The following EDRF1 variants were observed in gnomAD, a reference collection of about 807,000 sequenced individuals.
EDRF1 encodes the protein erythroid differentiation-related factor 1.
Under a neutral mutation model 148.7 loss-of-function variants are expected in EDRF1, and 69 were observed. That is an observed-to-expected ratio of 0.46 (90% CI 0.38 to 0.57). EDRF1 has a LOEUF of 0.57. Ranked by LOEUF, EDRF1 falls within the 20% of genes least tolerant of loss-of-function variation. The pLI is 0.00. For missense variants in EDRF1, 1,118 were observed against 1,478.7 expected (o/e 0.76, Z 4.00); for synonymous variants, 515 against 532.8 (o/e 0.97, Z 0.46).
chr10:125,729,022 C>A lies in EDRF1; in HGVS notation c.812C>A (p.Pro271His). Residue 271 changes from proline (P) to histidine (H), a missense_variant, in exon 7 of 25, where the codon CCC becomes CAC. Physicochemically the swap from Pro to His is moderately conservative, Grantham distance 77 (BLOSUM62 -2). Coordinates refer to ENST00000356792, the MANE Select transcript of EDRF1 (RefSeq NM_001202438.2). ...TCACAGGGAAGTGAGCCTCTTGAAC[C>A]CTCATACATAGTGGGGCATGTGGCC... ...ASSQGSEPLE[P>H]SYIVGHVASA... 1 of 1,582,166 alleles carries A rather than the reference C, an allele frequency of 6.3e-7. No homozygotes were observed. The highest frequency in any genetic ancestry group is 8.5e-7 in the Non-Finnish European group (1 of 1,171,586).
intron 24 of EDRF1, among the ~76,000 whole-genome samples, chr10:125,760,851 CA>C (rs1850159978): frequency 6.6e-6 from 1 of 152,100 alleles, no homozygotes; most frequent in Non-Finnish European, 1.5e-5. Context: ...ATTTAAAAAG[CA>C]ATATAGTATA....
intron 18 of EDRF1, chr10:125,744,812 T>C (rs865836717): frequency 2.0e-5 from 3 of 152,250 alleles, no homozygotes; most frequent in Non-Finnish European, 2.9e-5. Flanking sequence ...CCACTTATCC[T>C]TGGAGGATGC....
At position 125,749,420 on chromosome 10, in the gene EDRF1, T is replaced by C. The variant is rs1199734412; in HGVS notation, c.3132T>C (p.Asp1044=). ...TTTTGGTTTGGTTCTAGGTTGGTGA[T>C]GAACACCTTAGGAAACAACACCGGG... ...YHSCLRNQVG[D]EHLRKQHRVL... Residue 1044 remains aspartate, a synonymous_variant, in exon 22 of 25, where the codon GAT becomes GAC. Coordinates refer to ENST00000356792, the MANE Select transcript of EDRF1 (RefSeq NM_001202438.2). 1 of 1,614,214 alleles carries C rather than the reference T, an allele frequency of 6.2e-7. No homozygotes were observed. The highest frequency in any genetic ancestry group is 8.5e-7 in the Non-Finnish European group (1 of 1,180,032).
chr10:125,724,671 C>G (rs1848168037), intron 4 of EDRF1, among the ~76,000 whole-genome samples: 1 of 152,154 alleles, frequency 6.6e-6, no homozygotes, highest in Non-Finnish European at 1.5e-5. Flanking sequence ...CCTAGATTCT[C>G]AAATTGTATG....
chr10:125,721,469 AT>A (rs1383169190), intron 2 of EDRF1, 57 bp downstream of exon 2: 1 of 1,504,298 alleles, frequency 6.6e-7, no homozygotes, highest in African/African-American at 1.4e-5. Context: ...TAAAACTCTT[AT>A]TTGCTTTTAA....
At chr10:125,730,859 G>A (rs1443346822) in intron 9 of EDRF1, among the ~76,000 whole-genome samples, 2 of 152,170 alleles carry the variant, frequency 1.3e-5, no homozygotes, top group Admixed American at 6.5e-5. Flanking sequence ...AGTGTTGGGG[G>A]AAGCTAGGCG....
At chr10:125,744,298 A>G (rs1369744348) in intron 18 of EDRF1, among the ~76,000 whole-genome samples, 1 of 151,408 alleles carries the variant, frequency 6.6e-6, no homozygotes, top group Non-Finnish European at 1.5e-5. Context: ...AGCTTGCCAC[A>G]GCCTCGAACT....
chr10:125,729,154 G>C (rs755355180), intron 7 of EDRF1, 50 bp downstream of exon 7: 1 of 1,521,026 alleles, frequency 6.6e-7, no homozygotes, highest in Non-Finnish European at 8.8e-7. Context: ...AGTCTACTTT[G>C]TCATTTCAAA....
Position 125,763,790 on chromosome 10 carries a change from C to T in EDRF1, c.*318C>T, listed in dbSNP as rs999561537. On this transcript the variant is annotated 3_prime_UTR_variant, in exon 25 of 25. Coordinates refer to ENST00000356792, the MANE Select transcript of EDRF1 (RefSeq NM_001202438.2). This position sits in a 1 kb window ranked among gnomAD's most constrained non-coding sequence, Gnocchi z 4.3. ...TATTTTTGAAGTATGTCAAGCTACACGGGTCTAAGATATGATTATTTTGGA... is the reference window on the plus strand; with the variant it reads ...TATTTTTGAAGTATGTCAAGCTACATGGGTCTAAGATATGATTATTTTGGA... 11 of 390,830 alleles carry T rather than the reference C, an allele frequency of 2.8e-5. No individual in the cohort carries two copies. The highest frequency in any genetic ancestry group is 2.5e-4 in the Admixed American group (6 of 24,098). 24.2% of individuals were successfully genotyped at this position (390,830 alleles called of 1,614,324 possible).
chr10:125,720,635 A>G (rs1400967552), intron 1 of EDRF1, among the ~76,000 whole-genome samples: 2 of 152,022 alleles, frequency 1.3e-5, no homozygotes, highest in Admixed American at 6.5e-5. Context: ...ACATGGCAAA[A>G]CCCTGTCTCT....
Position 125,745,713 on chromosome 10 carries a change from A to G in EDRF1, c.2597A>G (p.Lys866Arg), listed in dbSNP as rs1849317109. The stretch of plus-strand genomic sequence containing the variant: ...TCTTTCTTTCTCTGTAAAGTGAGCA[A>G]ATCTGTGTCTGCTGCCGAGCAACAG... ...AALQSERLVS[K>R]SVSAAEQQLW... Residue 866 changes from lysine (K) to arginine (R), a missense_variant, in exon 19 of 25, where the codon AAA (lysine) becomes AGA (arginine). Coordinates refer to ENST00000356792, the MANE Select transcript of EDRF1 (RefSeq NM_001202438.2). The G allele has an allele frequency of 6.2e-7, 1 of 1,614,190 alleles. No homozygotes were observed. The highest frequency in any genetic ancestry group is 1.7e-5 in the Admixed American group (1 of 60,028).
chr10:125,759,655 G>T (rs1850091331), intron 24 of EDRF1, among the ~76,000 whole-genome samples: 3 of 151,932 alleles, frequency 2.0e-5, no homozygotes, highest in South Asian at 2.1e-4. Flanking sequence ...AATGGCTTTT[G>T]AATAATTCTC....
Position 125,752,860 on chromosome 10 carries a change from A to C in EDRF1, c.3339A>C (p.Arg1113Ser). The C allele has an allele frequency of 1.2e-6, 2 of 1,614,122 alleles. No homozygotes were observed. The highest frequency in any genetic ancestry group is 1.7e-6 in the Non-Finnish European group (2 of 1,180,024). ...CTGGGGCTCTTGATATAATGGTGAG[A>C]ACTGAGCACGCATTCCAGCTTATCC... Reference protein sequence around the residue: ...TLSGALDIMVRTEHAFQLIQK... With the variant: ...TLSGALDIMVSTEHAFQLIQK... The change falls in exon 23 of 25, where the codon AGA becomes AGC. Residue 1113 changes from arginine to serine, a missense_variant. Around this residue, in one of 3 missense-constraint regions of EDRF1, gnomAD observed 954 missense variants for 1,241.4 expected, o/e 0.77. Coordinates refer to ENST00000356792, the MANE Select transcript of EDRF1 (RefSeq NM_001202438.2).
At chr10:125,760,388 T>G (rs1229942865) in intron 24 of EDRF1, among the ~76,000 whole-genome samples, 1 of 152,168 alleles carries the variant, frequency 6.6e-6, no homozygotes, top group Non-Finnish European at 1.5e-5. Flanking sequence ...TAATGGAAGG[T>G]TTTCTAAGCT....
Position 125,745,813 on chromosome 10 carries a change from C to T in EDRF1, c.2697C>T (p.Ala899=), listed in dbSNP as rs780874828. 7 of 1,614,106 alleles carry T rather than the reference C, an allele frequency of 4.3e-6. No homozygotes were observed. Among genetic ancestry groups the T allele is most frequent in the East Asian group, 2.2e-5 (1 of 44,898 alleles). Reference sequence around the variant, plus strand: ...AATCAATTGAGGATGCCACCAATGCCGCCCTTTTATTATGTAACACGGGAA... The same window carrying T: ...AATCAATTGAGGATGCCACCAATGCTGCCCTTTTATTATGTAACACGGGAA... ...NFESIEDATN[A]ALLLCNTGRL... The change falls in exon 19 of 25, where the codon GCC becomes GCT. Residue 899 remains alanine (A), a synonymous_variant. Coordinates refer to ENST00000356792, the MANE Select transcript of EDRF1 (RefSeq NM_001202438.2).
Position 125,740,545 on chromosome 10 carries a change from G to A in EDRF1, c.2064G>A (p.Leu688=), listed in dbSNP as rs747365230. 1.2e-6 allele frequency: 2 copies of A among 1,613,934 alleles called. No individual in the cohort carries two copies. Among genetic ancestry groups the A allele is most frequent in the African/African-American group, 2.7e-5 (2 of 74,894 alleles). The change falls in exon 16 of 25, where the codon CTG becomes CTA. Residue 688 remains leucine (L), a synonymous_variant. Coordinates refer to ENST00000356792, the MANE Select transcript of EDRF1 (RefSeq NM_001202438.2). ...GSWQHKMKLQ[L]ILKSSKAYYV... ...GGCAACATAAAATGAAACTTCAGCT[G>A]ATTCTCAAGTCATCAAAGGCCTATT...
In EDRF1 at chr10:125,763,159, G is replaced by T; in HGVS notation, c.3546-142G>T. ...CATGAGCAATATGTAAAAGAAGGCA[G>T]GTCTGAACCCGGCAGGAGAGGAATG... On this transcript the variant is annotated intron_variant, in intron 24 of 24. Coordinates refer to ENST00000356792, the MANE Select transcript of EDRF1 (RefSeq NM_001202438.2). The surrounding 1 kb of genome is among the most constrained non-coding windows in gnomAD (Gnocchi z 4.3). 1.3e-6 allele frequency: 1 copy of T among 789,264 alleles called. No homozygotes were observed. The highest frequency in any genetic ancestry group is 1.4e-5 in the South Asian group (1 of 70,328). 48.9% of individuals were successfully genotyped at this position (789,264 alleles called of 1,614,324 possible).
chr10:125,729,718 G>A (rs1848413798), intron 8 of EDRF1, among the ~76,000 whole-genome samples: 1 of 152,220 alleles, frequency 6.6e-6, no homozygotes, highest in Non-Finnish European at 1.5e-5. Context: ...GCCACATTAA[G>A]GAAGGAGCTA....
chr10:125,738,069 A>G (rs1232938211), intron 14 of EDRF1, 80 bp downstream of exon 14: 1 of 1,454,218 alleles, frequency 6.9e-7, no homozygotes, highest in Non-Finnish European at 9.6e-7. Flanking sequence ...TTGGTATCTA[A>G]ATGTTATTCT....
Sources: allele counts gnomAD v4.1 joint callset (sites outside exome capture counted in the v4.1 genomes callset), GRCh38; gene constraint gnomAD v4.1.1; regional missense constraint gnomAD v4.1.1; non-coding constraint Gnocchi (gnomAD v3.1); transcripts MANE v1.5; gene names NCBI Gene and HGNC (gene_info 2026-07-23, HGNC 2026-07-21).